AGBL4: variants seen among roughly 807,000 people sequenced by gnomAD.
AGBL4 encodes the protein AGBL carboxypeptidase 4.
A neutral mutation model predicts 66.4 loss-of-function variants in AGBL4; 58 were observed. The observed-to-expected ratio is 0.87, with a 90% CI of 0.71 to 1.09. AGBL4 has a LOEUF of 1.09. Ranked by LOEUF, AGBL4 falls within the 50% of genes least tolerant of loss-of-function variation. The probability of loss-of-function intolerance (pLI) is 0.00; values close to 1 mark genes in which losing one functional copy is unlikely to be tolerated. For synonymous variants in AGBL4, 234 were observed against 222.9 expected (o/e 1.05, Z -0.44); for missense variants, 579 against 631.0 (o/e 0.92, Z 0.88).
intron 5 of AGBL4, among the ~76,000 whole-genome samples, chr1:48,945,369 G>C (rs191910724): frequency 1.8e-4 from 27 of 152,182 alleles, no homozygotes; most frequent in African/African-American, 6.3e-4. Flanking sequence ...CCCACAACAA[G>C]ATCCTGGGAC....
chr1:48,742,768 G>A, intron 6 of AGBL4: 4 of 1,576,440 alleles, frequency 2.5e-6, no homozygotes, highest in South Asian at 2.3e-5. Flanking sequence ...ATCAATGGCG[G>A]GACCTAGGCA....
At chr1:49,703,692 T>C (rs1055252944) in intron 2 of AGBL4, among the ~76,000 whole-genome samples, 1 of 151,954 alleles carries the variant, frequency 6.6e-6, no homozygotes, top group African/African-American at 2.4e-5. Context: ...TATTCAACAT[T>C]TTTATAAAGA....
intron 6 of AGBL4, among the ~76,000 whole-genome samples, chr1:48,790,173 ACAGCAAGAGCACGTAACAGATTTAC>A (rs377264348): frequency 2.4e-3 from 367 of 152,334 alleles, no homozygotes; most frequent in African/African-American, 8.2e-3. Context: ...TGGATAAGTC[ACAGCAAGAGCACGTAACAGATTTAC>A]CAGCACTATT....
intron 5 of AGBL4, among the ~76,000 whole-genome samples, chr1:48,930,943 A>T (rs895145986): frequency 6.6e-6 from 1 of 152,336 alleles, no homozygotes; most frequent in African/African-American, 2.4e-5. Context: ...TGGGATATCA[A>T]CAATAACAAT....
At chr1:50,021,241 G>A (rs1662422987) in intron 1 of AGBL4, among the ~76,000 whole-genome samples, 1 of 152,076 alleles carries the variant, frequency 6.6e-6, no homozygotes, top group African/African-American at 2.4e-5. Context: ...CAGTCTCTTT[G>A]GAAGGCATTG....
At chr1:49,629,197 T>C (rs939116332) in intron 3 of AGBL4, among the ~76,000 whole-genome samples, 13 of 152,314 alleles carry the variant, frequency 8.5e-5, no homozygotes, top group African/African-American at 2.9e-4. Flanking sequence ...CAAAATACAA[T>C]GGCAGAGTTG....
In AGBL4 at chr1:49,362,809, A is replaced by G. The variant is rs138479931; in HGVS notation, c.283-116945T>C. 2.9e-3 allele frequency among the ~76,000 whole-genome samples: 435 copies of G among 152,324 alleles called. 5 individuals are homozygous for G. Among genetic ancestry groups the G allele is most frequent in the Non-Finnish European group, 3.7e-3 (252 of 68,026 alleles). Reference sequence around the variant, plus strand: ...TGATCTTTAGAATGTGGGTGTCTCAATTGCATATGGGCTCACCTTTGGAAT... The same window carrying G: ...TGATCTTTAGAATGTGGGTGTCTCAGTTGCATATGGGCTCACCTTTGGAAT... On this transcript the variant is annotated intron_variant, in intron 3 of 13. Coordinates refer to ENST00000371839, the MANE Select transcript of AGBL4 (RefSeq NM_032785.4).
chr1:48,944,183 G>A (rs1366064137), intron 5 of AGBL4, among the ~76,000 whole-genome samples: 1 of 152,192 alleles, frequency 6.6e-6, no homozygotes, highest in Non-Finnish European at 1.5e-5. Flanking sequence ...CTCAGATGGT[G>A]GTGGGGTGGC....
intron 7 of AGBL4, among the ~76,000 whole-genome samples, chr1:48,655,716 T>C (rs1646009649): frequency 6.6e-6 from 1 of 152,258 alleles, no homozygotes. Context: ...GTTTTAGAAG[T>C]AGGTGTCCTA....
At chr1:49,085,894 G>A (rs1352395624) in intron 4 of AGBL4, among the ~76,000 whole-genome samples, 1 of 152,132 alleles carries the variant, frequency 6.6e-6, no homozygotes, top group East Asian at 1.9e-4. Flanking sequence ...AGTCCAAGGG[G>A]ACCGCTACAT....
chr1:49,936,383 G>C (rs1018845907), intron 1 of AGBL4, among the ~76,000 whole-genome samples: 1 of 152,148 alleles, frequency 6.6e-6, no homozygotes, highest in African/African-American at 2.4e-5. Context: ...AAAGTGACGG[G>C]GAGAATGGAA....
intron 6 of AGBL4, chr1:48,761,194 C>T (rs765302501): frequency 2.8e-5 from 26 of 927,666 alleles, no homozygotes; most frequent in African/African-American, 1.5e-4. Flanking sequence ...AGTTGTCCCA[C>T]GCTTTCACTA....
intron 11 of AGBL4, among the ~76,000 whole-genome samples, chr1:48,563,505 G>A (rs1046480101): frequency 6.6e-6 from 1 of 151,936 alleles, no homozygotes; most frequent in Non-Finnish European, 1.5e-5. Flanking sequence ...GGAGTGAGGG[G>A]GTCTGAGAGA....
At position 49,212,717 on chromosome 1, in the gene AGBL4, G is replaced by A. The variant is rs376540354; in HGVS notation, c.377+33053C>T. On this transcript the variant is annotated intron_variant, in intron 4 of 13. Coordinates refer to ENST00000371839, the MANE Select transcript of AGBL4 (RefSeq NM_032785.4). ...GACCACACCCTTGCTTCTGCCAAATGTTGTCCCCCTGAGGTAACAATTAAG... is the reference window on the plus strand; with the variant it reads ...GACCACACCCTTGCTTCTGCCAAATATTGTCCCCCTGAGGTAACAATTAAG... Among the ~76,000 whole-genome samples, 52 of 152,178 alleles carry A rather than the reference G, an allele frequency of 3.4e-4. 1 individual carries two copies. The South Asian group carries it at 9.5e-3, about 28-fold the overall frequency.
chr1:49,424,086 A>C (rs1189670752), intron 3 of AGBL4, among the ~76,000 whole-genome samples: 2 of 152,270 alleles, frequency 1.3e-5, no homozygotes, highest in East Asian at 3.9e-4. Flanking sequence ...CTAAGAGGCT[A>C]CCCAGACTGA....
At chr1:48,954,704 C>A (rs1224809000) in intron 5 of AGBL4, among the ~76,000 whole-genome samples, 1 of 152,136 alleles carries the variant, frequency 6.6e-6, no homozygotes, top group African/African-American at 2.4e-5. Context: ...TGAGCTGTGC[C>A]TCAATGTCCC....
chr1:49,222,444 G>T (rs1052906630), intron 4 of AGBL4, among the ~76,000 whole-genome samples: 2 of 152,154 alleles, frequency 1.3e-5, no homozygotes, highest in Non-Finnish European at 1.5e-5. Flanking sequence ...TTATTCTGTG[G>T]ATATGCACGT....
chr1:48,660,542 G>A (rs917362419), intron 7 of AGBL4, among the ~76,000 whole-genome samples: 8 of 152,224 alleles, frequency 5.3e-5, no homozygotes, highest in Non-Finnish European at 1.0e-4. Flanking sequence ...TGCCCTGTGG[G>A]GCTGTGATCG....
At chr1:49,729,870 C>T (rs1417234011) in intron 2 of AGBL4, among the ~76,000 whole-genome samples, 1 of 152,092 alleles carries the variant, frequency 6.6e-6, no homozygotes, top group Non-Finnish European at 1.5e-5. Context: ...AGGGGAGGGT[C>T]CCTGGTGAAA....
Sources: allele counts gnomAD v4.1 joint callset (sites outside exome capture counted in the v4.1 genomes callset), GRCh38; gene constraint gnomAD v4.1.1; transcripts MANE v1.5; gene names NCBI Gene and HGNC (gene_info 2026-07-23, HGNC 2026-07-21).